MAGI3: variants seen among roughly 807,000 people sequenced by gnomAD.
MAGI3 encodes the protein membrane-associated guanylate kinase, WW and PDZ domain-containing protein 3.
In MAGI3, 43 loss-of-function variants were observed where a neutral mutation model predicts 121.8. The ratio of observed to expected loss-of-function variants is 0.35; its 90% CI spans 0.28 to 0.46. The LOEUF (loss-of-function observed/expected upper bound fraction) is 0.46, where lower values mean the gene tolerates loss of function less well. Ranked by LOEUF, MAGI3 falls within the 20% of genes least tolerant of loss-of-function variation. MAGI3 has a pLI of 1.00. For missense variants in MAGI3, 1,547 were observed against 1,797.3 expected (o/e 0.86, Z 2.52); for synonymous variants, 553 against 639.3 (o/e 0.86, Z 2.04).
intron 19 of MAGI3, among the ~76,000 whole-genome samples, chr1:113,674,144 C>T (rs2101025414): frequency 6.6e-6 from 1 of 152,300 alleles, no homozygotes; most frequent in Non-Finnish European, 1.5e-5. Flanking sequence ...GTAATCCCAG[C>T]ACTTTGGGAG....
At chr1:113,649,427 C>A in intron 13 of MAGI3, 99 bp downstream of exon 13, 2 of 696,830 alleles carry the variant, frequency 2.9e-6, no homozygotes, top group Non-Finnish European at 4.8e-6. Context: ...TTTTCTCTGA[C>A]AGTTTCATTA....
intron 1 of MAGI3, among the ~76,000 whole-genome samples, chr1:113,540,563 T>C (rs370799830): frequency 6.6e-6 from 1 of 152,272 alleles, no homozygotes; most frequent in South Asian, 2.1e-4. Flanking sequence ...CTAGTTAGAG[T>C]AGACACAAAA....
Position 113,641,930 on chromosome 1 carries a change from C to T in MAGI3, c.1380C>T (p.Ile460=). The T allele has an allele frequency of 6.3e-7, 1 of 1,588,390 alleles. No individual in the cohort carries two copies. ...TTCCAGGCGATGTTATTGTAGACAT[C>T]AATGGCAACTGTGTCCTCGGTCACA... ...KIAPGDVIVD[I]NGNCVLGHTH... The change falls in exon 10 of 21, where the codon ATC becomes ATT. Residue 460 remains isoleucine (I), a synonymous_variant. Coordinates refer to ENST00000307546, the MANE Select transcript of MAGI3 (RefSeq NM_001142782.2).
At chr1:113,449,527 A>G (rs1257740172) in intron 1 of MAGI3, among the ~76,000 whole-genome samples, 1 of 152,160 alleles carries the variant, frequency 6.6e-6, no homozygotes, top group Non-Finnish European at 1.5e-5. Context: ...ACCGTTGGAG[A>G]CGACATCCAT....
At chr1:113,608,632 C>T (rs1649936322) in intron 6 of MAGI3, among the ~76,000 whole-genome samples, 1 of 152,192 alleles carries the variant, frequency 6.6e-6, no homozygotes, top group Non-Finnish European at 1.5e-5. Flanking sequence ...AGTGAGAGAA[C>T]TCAAGAGTCC....
At chr1:113,465,527 A>G (rs892826429) in intron 1 of MAGI3, among the ~76,000 whole-genome samples, 3 of 151,014 alleles carry the variant, frequency 2.0e-5, no homozygotes, top group African/African-American at 7.3e-5. Flanking sequence ...TTTTTTTTCT[A>G]TTTTTGTGAA....
intron 9 of MAGI3, among the ~76,000 whole-genome samples, chr1:113,629,729 C>CCTCCCT (rs1651477420): frequency 8.9e-6 from 1 of 111,930 alleles, no homozygotes; most frequent in Non-Finnish European, 1.8e-5. Context: ...AGTCAGTCTC[C>CCTCCCT]CTCTCTCTCT....
At chr1:113,584,967 C>CAAATTTT (rs1553202682) in intron 3 of MAGI3, among the ~76,000 whole-genome samples, 10 of 135,742 alleles carry the variant, frequency 7.4e-5, no homozygotes, top group South Asian at 2.2e-4. Flanking sequence ...TAGATATTTC[C>CAAATTTT]TTTTTTTTTT....
intron 1 of MAGI3, among the ~76,000 whole-genome samples, chr1:113,521,554 C>T (rs867932003): frequency 9.9e-5 from 15 of 151,738 alleles, no homozygotes; most frequent in Admixed American, 6.6e-4. Context: ...TACAGGTGCC[C>T]GCCACCACGC....
chr1:113,661,864 T>C (rs756957580), intron 16 of MAGI3, among the ~76,000 whole-genome samples: 3 of 152,236 alleles, frequency 2.0e-5, no homozygotes, highest in Non-Finnish European at 2.9e-5. Flanking sequence ...TATTTTATTA[T>C]GCTCTAGGTT....
At chr1:113,396,950 T>A (rs532512913) in intron 1 of MAGI3, among the ~76,000 whole-genome samples, 34 of 152,318 alleles carry the variant, frequency 2.2e-4, no homozygotes, top group African/African-American at 6.7e-4. Context: ...TAGTGTGCTA[T>A]TCGAAAAAGT....
At position 113,536,796 on chromosome 1, in the gene MAGI3, T is replaced by C. The variant is rs146628773; in HGVS notation, c.317-12719T>C. ...GGTTCAAATATAAGATGATTTCCTC[T>C]TCTAAGGATAGTTTTTGATATTGAA... On this transcript the variant is annotated intron_variant, in intron 1 of 20. Transcript: ENST00000307546. Among the ~76,000 whole-genome samples the C allele has an allele frequency of 5.3e-3, 808 of 152,290 alleles. 4 individuals are homozygous for C. The highest frequency in any genetic ancestry group is 0.019 in the African/African-American group (778 of 41,574).
At chr1:113,623,949 GCATT>G (rs1651051124) in intron 9 of MAGI3, among the ~76,000 whole-genome samples, 1 of 152,140 alleles carries the variant, frequency 6.6e-6, no homozygotes, top group African/African-American at 2.4e-5. Flanking sequence ...AGAAATGAGA[GCATT>G]CAAAGTTTGT....
At chr1:113,489,345 A>C (rs1656564421) in intron 1 of MAGI3, among the ~76,000 whole-genome samples, 1 of 152,030 alleles carries the variant, frequency 6.6e-6, no homozygotes, top group Non-Finnish European at 1.5e-5. Context: ...CCACAGTCAA[A>C]CTCTTATGGT....
chr1:113,611,812 C>T (rs1036109408), intron 6 of MAGI3, among the ~76,000 whole-genome samples: 3 of 152,086 alleles, frequency 2.0e-5, no homozygotes, highest in African/African-American at 7.2e-5. Context: ...AAATTCATTT[C>T]CCTTTGCATA....
Position 113,585,497 on chromosome 1 carries a change from C to T in MAGI3, c.664C>T (p.Arg222Ter), listed in dbSNP as rs1370263133. Residue 222 changes from arginine (R) to a stop codon, truncating the protein, a stop_gained, in exon 4 of 21, where the codon CGA becomes TGA. Coordinates refer to ENST00000307546, the MANE Select transcript of MAGI3 (RefSeq NM_001142782.2). LOFTEE classifies it high-confidence loss of function. ...GTTTGATGCAGAATCTCAAAGAAAA[C>T]GAACGACATCTGTCAGCAAGATGGA... is the stretch of plus-strand genomic sequence containing the variant. ...NEFDAESQRK[R>*]TTSVSKMERM... The T allele has an allele frequency of 1.2e-6, 2 of 1,613,888 alleles. No individual in the cohort carries two copies. Among genetic ancestry groups the T allele is most frequent in the African/African-American group, 1.3e-5 (1 of 74,870 alleles).
intron 1 of MAGI3, among the ~76,000 whole-genome samples, chr1:113,482,294 G>A (rs1232294104): frequency 6.6e-6 from 1 of 151,910 alleles, no homozygotes; most frequent in African/African-American, 2.4e-5. Flanking sequence ...TCATCCGGTA[G>A]TCTTTTGATA....
chr1:113,395,347 A>C (rs1651054916), intron 1 of MAGI3, among the ~76,000 whole-genome samples: 1 of 151,524 alleles, frequency 6.6e-6, no homozygotes, highest in Non-Finnish European at 1.5e-5. Flanking sequence ...CATTTTGATA[A>C]ACCTTGAAGT....
At chr1:113,483,468 G>T (rs938221185) in intron 1 of MAGI3, among the ~76,000 whole-genome samples, 1 of 152,146 alleles carries the variant, frequency 6.6e-6, no homozygotes, top group Admixed American at 6.5e-5. Context: ...GCTTGTGAGG[G>T]CACAGCAGGA....
Sources: allele counts gnomAD v4.1 joint callset (sites outside exome capture counted in the v4.1 genomes callset), GRCh38; gene constraint gnomAD v4.1.1; transcripts MANE v1.5; gene names NCBI Gene and HGNC (gene_info 2026-07-23, HGNC 2026-07-21).